Variants in LRRC66 observed in about 807,000 individuals in gnomAD.
LRRC66 encodes the protein leucine-rich repeat-containing protein 66.
A neutral mutation model predicts 24.6 loss-of-function variants in LRRC66; 29 were observed. That is an observed-to-expected ratio of 1.18 (90% CI 0.88 to 1.61). The LOEUF is 1.61. Ranked by LOEUF, LRRC66 falls within the 40% of genes most tolerant of loss-of-function variation. LRRC66 has a pLI of 0.00. For synonymous variants in LRRC66, 411 were observed against 397.6 expected (o/e 1.03, Z -0.40); for missense variants, 1,124 against 1,058.0 (o/e 1.06, Z -0.87).
In LRRC66 at chr4:51,994,396, A is replaced by C. The variant is rs758067621; in HGVS notation, c.2626T>G (p.Ser876Ala). The C allele has an allele frequency of 2.5e-6, 4 of 1,610,422 alleles. 1 individual carries two copies. Among genetic ancestry groups the C allele is most frequent in the Non-Finnish European group, 3.4e-6 (4 of 1,178,686 alleles). Residue 876 changes from serine (S) to alanine (A), a missense_variant, in exon 5 of 5, where the codon TCA (serine) becomes GCA (alanine). Transcript: ENST00000682860. ...AAAGATTCTTATTTTAAAATGTCTG[A>C]GTCTCTTTCATGGAAGGCAGCCTTA... ...PDKAAFHERD[S>A]DILK
chr4:52,009,887 C>G (rs1045128593), intron 2 of LRRC66, among the ~76,000 whole-genome samples: 1 of 152,000 alleles, frequency 6.6e-6, no homozygotes, highest in Non-Finnish European at 1.5e-5. Context: ...AACAATATAG[C>G]AAAAGAAAAT....
intron 3 of LRRC66, among the ~76,000 whole-genome samples, chr4:52,000,362 A>G (rs764957461): frequency 2.0e-5 from 3 of 152,176 alleles, no homozygotes; most frequent in Non-Finnish European, 4.4e-5. Context: ...ACTACCAATT[A>G]ACTACCAAGT....
Position 52,003,304 on chromosome 4 carries a change from C to T in LRRC66, c.585G>A (p.Leu195=). The stretch of plus-strand genomic sequence containing the variant: ...TCTTTAAACAGAGATTCTCCAGTTG[C>T]AGGCAGTTGTGAAAATCAGACCACC... ...QIGWSDFHNC[L]QLENLCLKSN... The change falls in exon 3 of 5, where the codon CTG becomes CTA. Residue 195 remains leucine, a synonymous_variant. Coordinates refer to ENST00000682860, the MANE Select transcript of LRRC66 (RefSeq NM_001024611.3). The T allele has an allele frequency of 6.2e-7, 1 of 1,613,864 alleles. No individual in the cohort carries two copies. Among genetic ancestry groups the T allele is most frequent in the Non-Finnish European group, 8.5e-7 (1 of 1,179,852 alleles).
intron 2 of LRRC66, among the ~76,000 whole-genome samples, chr4:52,005,602 CAA>C (rs3066999): frequency 0.87 from 126,727 of 145,494 alleles, 55,272 homozygotes; most frequent in East Asian, 0.94. Context: ...AAACAAACAA[CAA>C]AAAAAAAAAA....
rs527389376 is a variant in LRRC66, at chr4:51,996,179, TA to T, written c.857-15del. 3 of 1,554,682 alleles carry T rather than the reference TA, an allele frequency of 1.9e-6. No individual in the cohort carries two copies. Among genetic ancestry groups the T allele is most frequent in the South Asian group, 2.4e-5 (2 of 83,434 alleles). On this transcript the variant is annotated splice_polypyrimidine_tract_variant and intron_variant, in intron 4 of 4. Transcript: ENST00000682860. ...CCTCCTCACTCCCTGCAAGTGGGAT[TA>T]AAAAAATACACATTGAGCGAACATT...
intron 2 of LRRC66, among the ~76,000 whole-genome samples, chr4:52,006,957 A>G (rs1736601584): frequency 6.6e-6 from 1 of 152,124 alleles, no homozygotes; most frequent in African/African-American, 2.4e-5. Context: ...CAAAACCTAG[A>G]TCTCTTAATC....
At chr4:52,000,179 G>A (rs1736415739) in intron 3 of LRRC66, among the ~76,000 whole-genome samples, 1 of 152,156 alleles carries the variant, frequency 6.6e-6, no homozygotes, top group Admixed American at 6.5e-5. Context: ...TTCTGGGGCA[G>A]TTACAGTGCA....
At chr4:52,008,045 GGTGACT>G (rs1736624864) in intron 2 of LRRC66, among the ~76,000 whole-genome samples, 1 of 152,040 alleles carries the variant, frequency 6.6e-6, no homozygotes, top group South Asian at 2.1e-4. Context: ...ACTAGCCTCA[GGTGACT>G]GTGTGTGAAT....
Position 52,003,286 on chromosome 4 carries a change from A to G in LRRC66, c.603T>C (p.Cys201=). ...TTTTGAATATCTTGTTGCTCTTTAA[A>G]CAGAGATTCTCCAGTTGCAGGCAGT... ...FHNCLQLENL[C]LKSNKIFKIP... is the part of the protein sequence containing the mutation. The change falls in exon 3 of 5, where the codon TGT becomes TGC. Residue 201 remains cysteine (C), a synonymous_variant. Transcript: ENST00000682860. The G allele has an allele frequency of 1.9e-6, 3 of 1,613,966 alleles. No individual in the cohort carries two copies. The highest frequency in any genetic ancestry group is 1.1e-5 in the South Asian group (1 of 91,066).
In LRRC66 at chr4:51,994,472, G is replaced by A. The variant is rs762175753; in HGVS notation, c.2550C>T (p.Asp850=). 27 of 1,614,068 alleles carry A rather than the reference G, an allele frequency of 1.7e-5. No homozygotes were observed. Among genetic ancestry groups the A allele is most frequent in the South Asian group, 3.3e-5 (3 of 91,088 alleles). ...AACATGGTGGTGTTTGCTGTAAAAC[G>A]TCCACATTTGAAAATTCTAAGTCTC... The part of the protein sequence containing the change: ...SLRDLEFSNV[D]VLQQTPPCSA... Residue 850 remains aspartate, a synonymous_variant, in exon 5 of 5, where the codon GAC becomes GAT. Coordinates refer to ENST00000682860, the MANE Select transcript of LRRC66 (RefSeq NM_001024611.3).
chr4:51,995,553 T>G lies in LRRC66; in HGVS notation c.1469A>C (p.Gln490Pro), dbSNP rs760739109. 1.9e-6 allele frequency: 3 copies of G among 1,614,092 alleles called. No homozygotes were observed. In the African/African-American group the frequency reaches 4.0e-5, roughly 22 times the overall value. ...KDPGSSQSPG[Q>P]CGDNTGAGSG... ...TCCTGCCCCGGTGTTGTCCCCGCAC[T>G]GTCCTGGGCTCTGCGAACTGCCAGG... The change falls in exon 5 of 5, where the codon CAG (glutamine) becomes CCG (proline). Residue 490 changes from glutamine to proline, a missense_variant. Gln to Pro is a moderately conservative substitution (Grantham distance 76, BLOSUM62 -1). Transcript: ENST00000682860.
intron 2 of LRRC66, among the ~76,000 whole-genome samples, chr4:52,016,324 T>A (rs556724991): frequency 2.4e-4 from 37 of 152,084 alleles, no homozygotes; most frequent in Admixed American, 2.4e-3. Flanking sequence ...AACAATAACC[T>A]TATACATTTT....
intron 2 of LRRC66, among the ~76,000 whole-genome samples, chr4:52,005,492 G>C (rs1221907706): frequency 6.6e-6 from 1 of 151,902 alleles, no homozygotes; most frequent in Non-Finnish European, 1.5e-5. Context: ...AAATTAGCCA[G>C]TAAGGTGGTG....
At chr4:52,012,846 CCTGT>C (rs1736731764) in intron 2 of LRRC66, among the ~76,000 whole-genome samples, 1 of 152,110 alleles carries the variant, frequency 6.6e-6, no homozygotes, top group Admixed American at 6.5e-5. Flanking sequence ...CAAGAAATGA[CCTGT>C]CTCTCAGAAA....
Position 52,009,588 on chromosome 4 carries a change from A to T in LRRC66, c.497-6196T>A, listed in dbSNP as rs1002541994. Among the ~76,000 whole-genome samples the T allele has an allele frequency of 1.2e-4, 19 of 152,298 alleles. No homozygotes were observed. The East Asian group carries it at 3.7e-3, about 29-fold the overall frequency. ...TACAGAGTCTATAGATACTAAAAGG[A>T]TAATGAAACATTGTGAACAGCTTTA... On this transcript the variant is annotated intron_variant, in intron 2 of 4. Coordinates refer to ENST00000682860, the MANE Select transcript of LRRC66 (RefSeq NM_001024611.3).
intron 2 of LRRC66, among the ~76,000 whole-genome samples, chr4:52,012,331 T>C (rs1362786578): frequency 3.3e-5 from 5 of 152,200 alleles, no homozygotes; most frequent in African/African-American, 9.6e-5. Flanking sequence ...GCTGAGATTT[T>C]CCAAGAGGAA....
intron 1 of LRRC66, chr4:52,018,568 G>A: frequency 1.0e-6 from 1 of 985,302 alleles, no homozygotes; most frequent in Non-Finnish European, 1.2e-6. Context: ...TGACTTTCTT[G>A]CCTCTGCCTC....
chr4:51,999,020 CTG>C (rs1277407020), intron 3 of LRRC66, among the ~76,000 whole-genome samples: 2 of 152,172 alleles, frequency 1.3e-5, no homozygotes, highest in Admixed American at 6.5e-5. Flanking sequence ...GGCTTCACAG[CTG>C]TGTGCCTTCC....
chr4:52,004,265 C>T (rs1736524925), intron 2 of LRRC66, among the ~76,000 whole-genome samples: 1 of 152,216 alleles, frequency 6.6e-6, no homozygotes, highest in Non-Finnish European at 1.5e-5. Context: ...GCCTTGGCCT[C>T]CCAAAGTGCT....
Sources: gnomAD v4.1 joint callset for allele counts (sites outside exome capture counted in the v4.1 genomes callset) on GRCh38, gnomAD v4.1.1 for gene constraint, MANE v1.5 for transcripts, NCBI Gene and HGNC (gene_info 2026-07-23, HGNC 2026-07-21) for gene names.